LIFR: variants seen among roughly 807,000 people sequenced by gnomAD.
LIFR encodes LIF receptor subunit alpha, also known as leukemia inhibitory factor receptor.
In LIFR, 84 loss-of-function variants were observed where a neutral mutation model predicts 122.2. The observed-to-expected ratio is 0.69, with a 90% CI of 0.58 to 0.82. LIFR has a LOEUF of 0.82. LIFR is among the 40% of genes least tolerant of loss of function. LIFR has a pLI of 0.00. For synonymous variants in LIFR, 422 were observed against 434.7 expected, an observed-to-expected ratio of 0.97 and a Z score of 0.36; for missense variants, 1,294 against 1,311.6, an observed-to-expected ratio of 0.99 and a Z score of 0.21.
intron 1 of LIFR, among the ~76,000 whole-genome samples, chr5:38,548,897 CT>C (rs1020260167): frequency 2.4e-4 from 36 of 152,170 alleles, no homozygotes; most frequent in African/African-American, 7.2e-4. Flanking sequence ...AATTATTCTG[CT>C]TGGAAATTCT....
At chr5:38,542,515 A>AGGG (rs1747647242) in intron 1 of LIFR, among the ~76,000 whole-genome samples, 1 of 152,124 alleles carries the variant, frequency 6.6e-6, no homozygotes, top group Admixed American at 6.5e-5. Context: ...AACCGGTCTC[A>AGGG]GGACTTCTGA....
chr5:38,494,785 G>A (rs1039582238), intron 13 of LIFR, among the ~76,000 whole-genome samples: 4 of 152,198 alleles, frequency 2.6e-5, no homozygotes, highest in Admixed American at 6.5e-5. Flanking sequence ...CTGCAGGTGA[G>A]CGGCCCTTGA....
chr5:38,556,771 C>G (rs1748593563), upstream of LIFR: 1 of 147,686 alleles, frequency 6.8e-6, no homozygotes, highest in Non-Finnish European at 1.5e-5. Flanking sequence ...CGCCGATCCC[C>G]GGCCGCGCGC....
At chr5:38,568,054 C>G (rs749319682) in intron 1 of LIFR, among the ~76,000 whole-genome samples, 1 of 152,158 alleles carries the variant, frequency 6.6e-6, no homozygotes, top group Non-Finnish European at 1.5e-5. Context: ...TCTCCTATGA[C>G]TCTCATTTTC....
intron 16 of LIFR, among the ~76,000 whole-genome samples, chr5:38,486,976 T>G (rs1309782177): frequency 1.3e-5 from 2 of 152,196 alleles, no homozygotes; most frequent in Non-Finnish European, 2.9e-5. Flanking sequence ...TTTCCCTCAT[T>G]TGCTTGATTT....
intron 5 of LIFR, among the ~76,000 whole-genome samples, chr5:38,513,416 C>A (rs1218026719): frequency 6.6e-6 from 1 of 152,216 alleles, no homozygotes. Context: ...ATGTTGGCTA[C>A]CCAGATCCCT....
At chr5:38,571,158 T>C (rs1251260425) in intron 1 of LIFR, among the ~76,000 whole-genome samples, 1 of 152,178 alleles carries the variant, frequency 6.6e-6, no homozygotes, top group Admixed American at 6.5e-5. Flanking sequence ...GGTTAAATAT[T>C]GTTAGCCACA....
intron 1 of LIFR, among the ~76,000 whole-genome samples, chr5:38,534,107 G>A (rs528560146): frequency 2.6e-5 from 4 of 152,232 alleles, no homozygotes; most frequent in South Asian, 2.1e-4. Context: ...AACAGTACCC[G>A]CACTGCTCAT....
intron 1 of LIFR, among the ~76,000 whole-genome samples, chr5:38,541,085 T>C (rs1210843568): frequency 6.6e-6 from 1 of 152,234 alleles, no homozygotes; most frequent in Non-Finnish European, 1.5e-5. Flanking sequence ...TTAAGCATCA[T>C]CTTAGATTAT....
intron 1 of LIFR, among the ~76,000 whole-genome samples, chr5:38,546,574 C>A (rs1747905378): frequency 6.6e-6 from 1 of 152,176 alleles, no homozygotes; most frequent in South Asian, 2.1e-4. Flanking sequence ...AACATGTGTT[C>A]TGGAGTTTTT....
chr5:38,577,332 T>G (rs1749419910), intron 1 of LIFR, among the ~76,000 whole-genome samples: 2 of 152,186 alleles, frequency 1.3e-5, no homozygotes, highest in African/African-American at 4.8e-5. Context: ...CTGACACCTC[T>G]CGCTCTGCCT....
chr5:38,544,681 A>C (rs1747778112), intron 1 of LIFR, among the ~76,000 whole-genome samples: 1 of 152,152 alleles, frequency 6.6e-6, no homozygotes. Context: ...ATCTATGCAT[A>C]CATAATTCCT....
At chr5:38,553,101 A>C (rs926610146) in intron 1 of LIFR, among the ~76,000 whole-genome samples, 1 of 151,900 alleles carries the variant, frequency 6.6e-6, no homozygotes, top group Admixed American at 6.5e-5. Context: ...CTTTCCTTTC[A>C]CCAACTCCAG....
chr5:38,544,785 G>C (rs1175084144), intron 1 of LIFR, among the ~76,000 whole-genome samples: 1 of 152,170 alleles, frequency 6.6e-6, no homozygotes, highest in Non-Finnish European at 1.5e-5. Flanking sequence ...GCATAGGTGG[G>C]GAGGAAGAGA....
chr5:38,516,645 G>A (rs1746100071), intron 5 of LIFR, among the ~76,000 whole-genome samples: 1 of 152,166 alleles, frequency 6.6e-6, no homozygotes, highest in South Asian at 2.1e-4. Context: ...GGAGGACAGT[G>A]TGGCAATTCC....
chr5:38,525,469 C>T lies in LIFR; in HGVS notation c.397+1686G>A, dbSNP rs527629528. Among the ~76,000 whole-genome samples the T allele has an allele frequency of 7.2e-5, 11 of 152,266 alleles. No individual in the cohort carries two copies. In the East Asian group the frequency reaches 1.5e-3, roughly 21 times the overall value. ...ACAAAAAGGGCAGAACAAACCAATA[C>T]ACATTAATCTCGGAACTTAAAAATA... On this transcript the variant is annotated intron_variant, in intron 4 of 19. Transcript: ENST00000453190.
chr5:38,561,014 T>G (rs1194176479), upstream of LIFR, among the ~76,000 whole-genome samples: 1 of 152,162 alleles, frequency 6.6e-6, no homozygotes, highest in Non-Finnish European at 1.5e-5. Context: ...AGACAAACAA[T>G]AGTATTTGAG....
intron 9 of LIFR, among the ~76,000 whole-genome samples, chr5:38,504,594 C>CA (rs113723055): frequency 8.6e-5 from 13 of 151,442 alleles, no homozygotes; most frequent in South Asian, 4.2e-4. Flanking sequence ...AAAAATTAGC[C>CA]AAAAAAAATG....
chr5:38,507,763 A>T (rs926420089), intron 7 of LIFR, among the ~76,000 whole-genome samples: 3 of 150,956 alleles, frequency 2.0e-5, no homozygotes, highest in Non-Finnish European at 3.0e-5. Flanking sequence ...ATTCTGTAAA[A>T]TTTTTTTTTC....
Sources: allele counts gnomAD v4.1 joint callset (sites outside exome capture counted in the v4.1 genomes callset), GRCh38; gene constraint gnomAD v4.1.1; transcripts MANE v1.5; gene names NCBI Gene and HGNC (gene_info 2026-07-23, HGNC 2026-07-21).